PRKCH: variants seen among roughly 807,000 people sequenced by gnomAD.
The protein encoded by PRKCH is protein kinase C eta, also known as protein kinase C eta type.
A neutral mutation model predicts 82.5 loss-of-function variants in PRKCH; 28 were observed. That is an observed-to-expected ratio of 0.34 (90% CI 0.25 to 0.47). The LOEUF is 0.47. Ranked by LOEUF, PRKCH falls within the 20% of genes least tolerant of loss-of-function variation. The pLI, the probability that PRKCH is intolerant of heterozygous loss-of-function variation, is 1.00. For missense variants in PRKCH, 705 were observed against 881.8 expected (o/e 0.80, Z 2.54); for synonymous variants, 322 against 327.4 (o/e 0.98, Z 0.18).
chr14:61,406,296 C>T (rs1881945044), intron 2 of PRKCH, among the ~76,000 whole-genome samples: 2 of 152,118 alleles, frequency 1.3e-5, no homozygotes, highest in South Asian at 4.1e-4. Context: ...TAAAATGCTG[C>T]GACAAGGGTC....
intron 1 of PRKCH, among the ~76,000 whole-genome samples, chr14:61,342,513 C>T (rs917219304): frequency 2.0e-5 from 3 of 152,170 alleles, no homozygotes; most frequent in Non-Finnish European, 2.9e-5. Flanking sequence ...ACTGAATTGT[C>T]GGCTTAAACC....
At chr14:61,547,911 G>C (rs2043279814) in intron 13 of PRKCH, 25 bp downstream of exon 13, 1 of 1,607,784 alleles carries the variant, frequency 6.2e-7, no homozygotes. Context: ...CTGTCACAGA[G>C]ACATTCCTTT....
At chr14:61,457,775 A>G in intron 9 of PRKCH, 96 bp downstream of exon 9, 1 of 1,500,450 alleles carries the variant, frequency 6.7e-7, no homozygotes, top group Admixed American at 2.0e-5. Flanking sequence ...AGTATCAGAA[A>G]TTTTGGGGGA....
intron 9 of PRKCH, among the ~76,000 whole-genome samples, chr14:61,465,900 T>A (rs532313442): frequency 2.6e-4 from 39 of 152,216 alleles, no homozygotes; most frequent in Non-Finnish European, 4.4e-4. Flanking sequence ...AACAGCCTTA[T>A]AAGATAGGTG....
At chr14:61,335,138 A>G (rs890011513) in intron 1 of PRKCH, among the ~76,000 whole-genome samples, 2 of 152,168 alleles carry the variant, frequency 1.3e-5, no homozygotes, top group Non-Finnish European at 2.9e-5. Context: ...AAAGAATCGT[A>G]CTGGCTGAGG....
At chr14:61,461,982 G>C (rs1407258818) in intron 9 of PRKCH, among the ~76,000 whole-genome samples, 3 of 152,228 alleles carry the variant, frequency 2.0e-5, no homozygotes, top group Non-Finnish European at 4.4e-5. Context: ...CTCCACCAGA[G>C]AAACCAAAGG....
intron 9 of PRKCH, among the ~76,000 whole-genome samples, chr14:61,475,376 T>C (rs1380779986): frequency 2.0e-5 from 3 of 152,238 alleles, no homozygotes; most frequent in African/African-American, 2.4e-5. Context: ...GTATTTCAAA[T>C]GTGGATAGTT....
chr14:61,378,396 G>C (rs1211202656), intron 1 of PRKCH, among the ~76,000 whole-genome samples: 1 of 151,780 alleles, frequency 6.6e-6, no homozygotes, highest in Non-Finnish European at 1.5e-5. Context: ...TTATAGAGAT[G>C]GGGTCTTATT....
intron 1 of PRKCH, among the ~76,000 whole-genome samples, chr14:61,229,018 A>G (rs1227990122): frequency 1.3e-5 from 2 of 152,340 alleles, no homozygotes; most frequent in Admixed American, 6.5e-5. Flanking sequence ...ACAACAAGCC[A>G]TCAAAATAGG....
intron 2 of PRKCH, among the ~76,000 whole-genome samples, chr14:61,419,374 T>C (rs1211531859): frequency 6.6e-6 from 1 of 152,222 alleles, no homozygotes; most frequent in Non-Finnish European, 1.5e-5. Flanking sequence ...AACCCCAGCA[T>C]GCTTGGTATT....
intron 9 of PRKCH, among the ~76,000 whole-genome samples, chr14:61,470,593 G>A (rs947422894): frequency 1.3e-5 from 2 of 152,112 alleles, no homozygotes; most frequent in African/African-American, 4.8e-5. Context: ...GGCCACCCAG[G>A]GAGTTCCTGT....
At chr14:61,390,664 C>CTT (rs1311934741) in intron 1 of PRKCH, 2 of 152,532 alleles carry the variant, frequency 1.3e-5, no homozygotes, top group Non-Finnish European at 2.9e-5. Flanking sequence ...GTGAAACTAC[C>CTT]TCTCTCTCTC....
intron 1 of PRKCH, among the ~76,000 whole-genome samples, chr14:61,202,902 C>G (rs1283931988): frequency 6.6e-6 from 1 of 152,066 alleles, no homozygotes; most frequent in Non-Finnish European, 1.5e-5. Context: ...TGGCTTACAC[C>G]AGGTTTCACT....
At chr14:61,385,982 A>G (rs564663489) in intron 1 of PRKCH, among the ~76,000 whole-genome samples, 1 of 152,342 alleles carries the variant, frequency 6.6e-6, no homozygotes, top group African/African-American at 2.4e-5. Flanking sequence ...TATAAAAAGG[A>G]AGAAAGGAGT....
chr14:61,240,256 G>T (rs1231796121), intron 1 of PRKCH, among the ~76,000 whole-genome samples: 1 of 152,174 alleles, frequency 6.6e-6, no homozygotes, highest in African/African-American at 2.4e-5. Context: ...GAGGGAGGGA[G>T]CCTCCAAACA....
chr14:61,281,026 CAGA>C (rs777966876), intron 1 of PRKCH: 131 of 1,533,610 alleles, frequency 8.5e-5, no homozygotes, highest in Middle Eastern at 5.1e-4. Flanking sequence ...CAGGCCCGCG[CAGA>C]AGAAGAGCGG....
intron 1 of PRKCH, among the ~76,000 whole-genome samples, chr14:61,357,100 G>C (rs1249188663): frequency 6.6e-6 from 1 of 152,190 alleles, no homozygotes; most frequent in South Asian, 2.1e-4. Flanking sequence ...ACACTGGTCA[G>C]TACTCCCAAT....
intron 1 of PRKCH, among the ~76,000 whole-genome samples, chr14:61,285,123 C>A (rs909140344): frequency 6.6e-6 from 1 of 152,032 alleles, no homozygotes; most frequent in Non-Finnish European, 1.5e-5. Context: ...TTCCCCCTAA[C>A]GTTTTCTTTC....
intron 1 of PRKCH, among the ~76,000 whole-genome samples, chr14:61,354,213 A>G (rs991912232): frequency 6.6e-6 from 1 of 152,216 alleles, no homozygotes; most frequent in Non-Finnish European, 1.5e-5. Flanking sequence ...ATTTAATTTT[A>G]TCAGTCAATA....
Sources: gnomAD v4.1 joint callset for allele counts (sites outside exome capture counted in the v4.1 genomes callset) on GRCh38, gnomAD v4.1.1 for gene constraint, MANE v1.5 for transcripts, NCBI Gene and HGNC (gene_info 2026-07-23, HGNC 2026-07-21) for gene names.